CROT: variants seen among roughly 807,000 people sequenced by gnomAD.
CROT encodes the protein peroxisomal carnitine O-octanoyltransferase.
A neutral mutation model predicts 89.2 loss-of-function variants in CROT; 84 were observed. The ratio of observed to expected loss-of-function variants is 0.94; its 90% CI spans 0.79 to 1.13. CROT has a LOEUF of 1.13. Among genes scored for constraint, CROT ranks in the 50% most tolerant of loss-of-function variants. CROT has a pLI of 0.00. For missense variants in CROT, 711 were observed against 727.8 expected (o/e 0.98, Z 0.27); for synonymous variants, 212 against 239.5 (o/e 0.89, Z 1.06).
At chr7:87,353,419 G>C (rs1285883254) in intron 3 of CROT, among the ~76,000 whole-genome samples, 1 of 152,096 alleles carries the variant, frequency 6.6e-6, no homozygotes, top group African/African-American at 2.4e-5. Context: ...AACATGCTGG[G>C]ATTACAGGTG....
chr7:87,355,103 A>ATTT (rs35047228), intron 3 of CROT, among the ~76,000 whole-genome samples: 39 of 147,140 alleles, frequency 2.7e-4, no homozygotes, highest in African/African-American at 8.2e-4. Flanking sequence ...AAAAATATGT[A>ATTT]TTTTTTTTTT....
At chr7:87,395,986 G>A (rs956950469) in intron 17 of CROT, among the ~76,000 whole-genome samples, 2 of 152,164 alleles carry the variant, frequency 1.3e-5, no homozygotes, top group African/African-American at 2.4e-5. Flanking sequence ...AGTCATGAAA[G>A]CAGTCAAGCC....
chr7:87,390,858 C>T lies in CROT; in HGVS notation c.1302-731C>T, dbSNP rs73196431. ...AAAACACATACTTTTTTATATCACACATTTTGTGGGTCAGTAATTTTATAT... is the reference window on the plus strand; with the variant it reads ...AAAACACATACTTTTTTATATCACATATTTTGTGGGTCAGTAATTTTATAT... On this transcript the variant is annotated intron_variant, in intron 13 of 17. Transcript: ENST00000331536. Among the ~76,000 whole-genome samples, 1,516 of 152,306 alleles carry T rather than the reference C, an allele frequency of 1.0e-2. 25 individuals are homozygous for T. Among genetic ancestry groups the T allele is most frequent in the African/African-American group, 0.033 (1,376 of 41,562 alleles).
intron 17 of CROT, among the ~76,000 whole-genome samples, chr7:87,396,470 A>C (rs1205911911): frequency 6.6e-6 from 1 of 152,186 alleles, no homozygotes; most frequent in Admixed American, 6.5e-5. Context: ...TATGACATGC[A>C]CTGGACCCTT....
intron 4 of CROT, chr7:87,359,598 C>T: frequency 8.4e-7 from 1 of 1,193,520 alleles, no homozygotes. Flanking sequence ...ACAATCACTT[C>T]ATGTGGTTTG....
chr7:87,369,319 T>C (rs928017250), intron 6 of CROT, 57 bp from the exon 7 acceptor site: 7 of 1,172,032 alleles, frequency 6.0e-6, no homozygotes, highest in Non-Finnish European at 8.8e-6. Context: ...GATATATGCA[T>C]CTTTACTCCT....
intron 6 of CROT, among the ~76,000 whole-genome samples, chr7:87,365,710 C>T (rs10259810): frequency 0.15 from 22,675 of 149,918 alleles, 1,802 homozygotes; most frequent in Non-Finnish European, 0.17. Flanking sequence ...TGGGCTCTAA[C>T]AGTCCTCCCA....
At position 87,375,964 on chromosome 7, in the gene CROT, A is replaced by C; in HGVS notation, c.876+11A>C. The C allele has an allele frequency of 6.8e-7, 1 of 1,474,912 alleles. No homozygotes were observed. Among genetic ancestry groups the C allele is most frequent in the South Asian group, 1.3e-5 (1 of 75,582 alleles). 91.4% of individuals were successfully genotyped at this position (1,474,912 alleles called of 1,614,324 possible). ...GAGGATTATTCTGAGGTACTTAACT[A>C]CCTTCTCTTTTTTTTTTTATTGCAG... On this transcript the variant is annotated intron_variant, in intron 9 of 17. Transcript: ENST00000331536.
chr7:87,392,599 T>A lies in CROT; in HGVS notation c.1459T>A (p.Phe487Ile). ...GCGGCAGCAAAAGATGTTACAAGCT[T>A]TTGCAAAGCATAATAAAATGATGAA... Reference protein sequence around the residue: ...RERQQKMLQAFAKHNKMMKDC... With the variant: ...RERQQKMLQAIAKHNKMMKDC... The change falls in exon 15 of 18, where the codon TTT becomes ATT. Residue 487 changes from phenylalanine (F) to isoleucine (I), a missense_variant. Phe to Ile is a conservative substitution (Grantham distance 21). Coordinates refer to ENST00000331536, the MANE Select transcript of CROT (RefSeq NM_021151.4). The A allele has an allele frequency of 6.2e-7, 1 of 1,613,582 alleles. No individual in the cohort carries two copies. Among genetic ancestry groups the A allele is most frequent in the Non-Finnish European group, 8.5e-7 (1 of 1,179,702 alleles).
At chr7:87,359,924 T>G in intron 4 of CROT, 1 of 984,524 alleles carries the variant, frequency 1.0e-6, no homozygotes. Flanking sequence ...GTTGTATAAT[T>G]CAAAAGCATT....
chr7:87,389,110 AAGTC>A (rs1807275659), intron 13 of CROT, among the ~76,000 whole-genome samples: 1 of 152,242 alleles, frequency 6.6e-6, no homozygotes, highest in Non-Finnish European at 1.5e-5. Context: ...GATCATTAAA[AAGTC>A]AGGAAACAAC....
intron 13 of CROT, among the ~76,000 whole-genome samples, chr7:87,384,876 A>G (rs772128909): frequency 3.9e-5 from 6 of 152,068 alleles, no homozygotes; most frequent in Non-Finnish European, 8.8e-5. Flanking sequence ...ATCCATTTTG[A>G]TTTGAATTTT....
intron 6 of CROT, among the ~76,000 whole-genome samples, chr7:87,366,904 T>A (rs1292178358): frequency 6.6e-6 from 1 of 152,232 alleles, no homozygotes; most frequent in Admixed American, 6.5e-5. Flanking sequence ...CGGTGCTATC[T>A]TCCTTGGTTA....
Position 87,392,767 on chromosome 7 carries a change from A to G in CROT, c.1542A>G (p.Ala514=), listed in dbSNP as rs1807408734. ...ACCTTTTAGGTCTCTTACTCATAGC[A>G]AAAGAGGAAGGTCTTCCTGTTCCAG... ...DRHLLGLLLI[A]KEEGLPVPEL... is the part of the protein sequence containing the mutation. The change falls in exon 16 of 18, where the codon GCA becomes GCG. Residue 514 remains alanine (A), a synonymous_variant. Transcript: ENST00000331536. The G allele has an allele frequency of 8.1e-6, 13 of 1,613,756 alleles. No individual in the cohort carries two copies. In the East Asian group the frequency reaches 2.9e-4, roughly 36 times the overall value.
At chr7:87,382,768 G>A (rs757929932) in intron 13 of CROT, among the ~76,000 whole-genome samples, 37 of 152,090 alleles carry the variant, frequency 2.4e-4, no homozygotes, top group Non-Finnish European at 2.2e-4. Flanking sequence ...AACTTTTGAC[G>A]TGTCTATTCT....
At chr7:87,391,814 C>A in intron 14 of CROT, 102 bp downstream of exon 14, 3 of 1,149,536 alleles carry the variant, frequency 2.6e-6, no homozygotes, top group East Asian at 2.7e-5. Context: ...TTTCCTGGAT[C>A]ATTAAAATAC....
chr7:87,372,921 C>T (rs1806687870), intron 7 of CROT, among the ~76,000 whole-genome samples: 1 of 152,050 alleles, frequency 6.6e-6, no homozygotes, highest in Non-Finnish European at 1.5e-5. Flanking sequence ...GTAAATTATT[C>T]ATAATGCTGC....
chr7:87,382,614 A>C (rs972848505), intron 13 of CROT, 71 bp downstream of exon 13: 2 of 1,465,366 alleles, frequency 1.4e-6, no homozygotes, highest in Non-Finnish European at 1.8e-6. Flanking sequence ...TAGCTATTTC[A>C]TCCTAACTCC....
chr7:87,393,370 AT>A (rs1390627571), intron 17 of CROT, among the ~76,000 whole-genome samples: 4 of 152,176 alleles, frequency 2.6e-5, no homozygotes, highest in Non-Finnish European at 5.9e-5. Context: ...TGTACAAGGT[AT>A]TTTATAATAA....
Sources: gnomAD v4.1 joint callset for allele counts (sites outside exome capture counted in the v4.1 genomes callset) on GRCh38, gnomAD v4.1.1 for gene constraint, MANE v1.5 for transcripts, NCBI Gene and HGNC (gene_info 2026-07-23, HGNC 2026-07-21) for gene names.